PCBP2: variants seen among roughly 807,000 people sequenced by gnomAD.
PCBP2 encodes poly(rC) binding protein 2.
Under a neutral mutation model 50.1 loss-of-function variants are expected in PCBP2, and 4 were observed. The ratio of observed to expected loss-of-function variants is 0.08; its 90% CI spans 0.04 to 0.18. The LOEUF is 0.18. Among genes scored for constraint, PCBP2 ranks in the 10% least tolerant of loss-of-function variants. The probability of loss-of-function intolerance (pLI) is 1.00; values close to 1 mark genes in which losing one functional copy is unlikely to be tolerated. For missense variants in PCBP2, 161 were observed against 474.3 expected, an observed-to-expected ratio of 0.34 and a Z score of 6.14; for synonymous variants, 179 against 168.0, an observed-to-expected ratio of 1.07 and a Z score of -0.51.
At position 53,455,385 on chromosome 12, in the gene PCBP2, C is replaced by T; in HGVS notation, c.93+15C>T. The T allele has an allele frequency of 6.2e-7, 1 of 1,614,058 alleles. No homozygotes were observed. The highest frequency in any genetic ancestry group is 8.5e-7 in the Non-Finnish European group (1 of 1,179,918). On this transcript the variant is annotated intron_variant, in intron 3 of 14. Coordinates refer to ENST00000546463, the MANE Select transcript of PCBP2 (RefSeq NM_031989.5). ...TCATCGGAAAGGTAAGACAATTTCA[C>T]TTCAACTTCAATTACCATTTAGTAA...
rs1455577918 is a variant in PCBP2 at position 53,460,742 on chromosome 12, GGCAACTATTTAGAAGGACCTTTT to G, written c.376-270_376-248del. 2.3e-5 allele frequency: 7 copies of G among 307,684 alleles called. No homozygotes were observed. In the East Asian group the frequency reaches 5.4e-4, roughly 24 times the overall value. The allele number at this position is 307,684 out of a possible 1,614,324, so 19.1% of individuals were successfully genotyped here. A position where few individuals can be genotyped will look rare whatever the true frequency, so the allele number is the denominator to read the frequency against. On this transcript the variant is annotated intron_variant, in intron 6 of 14. Transcript: ENST00000546463. ...CCCAGAGAACTATCATTAGTTGAAA[GGCAACTATTTAGAAGGACCTTTT>G]GCTTGAGAGTAGGTTAAATTTAGGC...
At chr12:53,466,074 G>C in intron 10 of PCBP2, 101 bp downstream of exon 10, 1 of 938,236 alleles carries the variant, frequency 1.1e-6, no homozygotes, top group Non-Finnish European at 1.8e-6. Flanking sequence ...TGGGTCTTCA[G>C]CATTTGCAGT....
chr12:53,462,370 T>G, intron 7 of PCBP2, 123 bp from the exon 8 acceptor site: 2 of 661,772 alleles, frequency 3.0e-6, no homozygotes, highest in Non-Finnish European at 5.1e-6. Flanking sequence ...AGAGACAATT[T>G]GGTAGGTAAG....
In PCBP2 at chr12:53,479,676, T is replaced by TTTTTTTTTTTGTTTTTG. The variant is rs1263799848; in HGVS notation, c.*241_*242insTTTGTTTTTGTTTTTTT. Reference sequence around the variant, plus strand: ...GTTTTATAAGCTTCTCCCTGGTTTTTTTTTTTTGGCTCATGAATTTTTCTG... The same window carrying TTTTTTTTTTTGTTTTTG: ...GTTTTATAAGCTTCTCCCTGGTTTTTTTTTTTTTTTGTTTTTGTTTTTTTGGCTCATGAATTTTTCTG... On this transcript the variant is annotated 3_prime_UTR_variant, in exon 15 of 15. Coordinates refer to ENST00000546463, the MANE Select transcript of PCBP2 (RefSeq NM_031989.5). 7.5e-5 allele frequency: 29 copies of TTTTTTTTTTTGTTTTTG among 387,604 alleles called. No individual in the cohort carries two copies. Among genetic ancestry groups the TTTTTTTTTTTGTTTTTG allele is most frequent in the Admixed American group, 2.6e-4 (6 of 23,340 alleles). 24.0% of individuals were successfully genotyped at this position (387,604 alleles called of 1,614,324 possible). A position where few individuals can be genotyped will look rare whatever the true frequency, so the allele number is the denominator to read the frequency against.
intron 14 of PCBP2, among the ~76,000 whole-genome samples, chr12:53,473,776 T>C (rs2137113641): frequency 6.6e-6 from 1 of 151,052 alleles, no homozygotes; most frequent in East Asian, 1.9e-4. Flanking sequence ...TTTTTTTTTT[T>C]CCTTTCTCAT....
In PCBP2 at chr12:53,467,852, TAAAA is replaced by T; in HGVS notation, c.826+19_826+22del. 1 of 1,372,560 alleles carries T rather than the reference TAAAA, an allele frequency of 7.3e-7. No homozygotes were observed. Among genetic ancestry groups the T allele is most frequent in the Non-Finnish European group, 1.0e-6 (1 of 991,552 alleles). The allele number at this position is 1,372,560 out of a possible 1,614,324, so 85.0% of individuals were successfully genotyped here. A position where few individuals can be genotyped will look rare whatever the true frequency, so the allele number is the denominator to read the frequency against. On this transcript the variant is annotated intron_variant, in intron 12 of 14. Coordinates refer to ENST00000546463, the MANE Select transcript of PCBP2 (RefSeq NM_031989.5). ...GGTGAAAGGCTATTGGGGTAATGATTAAAAAAAAAAAAATCTGTAGTATTCTACT... is the reference window on the plus strand; with the variant it reads ...GGTGAAAGGCTATTGGGGTAATGATTAAAAAAAAATCTGTAGTATTCTACT...
At chr12:53,455,067 A>G (rs1365568894) in intron 2 of PCBP2, among the ~76,000 whole-genome samples, 198 bp downstream of exon 2, 2 of 152,210 alleles carry the variant, frequency 1.3e-5, no homozygotes, top group Non-Finnish European at 2.9e-5. Context: ...GGAAAGGCAT[A>G]ATTAGAGGCT....
At chr12:53,453,901 C>T (rs1384692029) in intron 1 of PCBP2, among the ~76,000 whole-genome samples, 1 of 152,100 alleles carries the variant, frequency 6.6e-6, no homozygotes, top group Non-Finnish European at 1.5e-5. Context: ...TGCTGCTGTT[C>T]TTAAAAACAA....
intron 14 of PCBP2, among the ~76,000 whole-genome samples, chr12:53,476,490 A>G (rs1480771105): frequency 6.6e-6 from 1 of 152,176 alleles, no homozygotes; most frequent in Admixed American, 6.5e-5. Context: ...AACAGTAGAA[A>G]TGTTCTTAGT....
chr12:53,467,532 G>C, intron 11 of PCBP2: 1 of 617,684 alleles, frequency 1.6e-6, no homozygotes, highest in South Asian at 2.0e-5. Flanking sequence ...GGTGAGGTTT[G>C]GGGATGCTTG....
chr12:53,480,972 T>C lies in PCBP2; in HGVS notation c.*1530T>C, dbSNP rs1943011149. 1 of 180,954 alleles carries C rather than the reference T, an allele frequency of 5.5e-6. No homozygotes were observed. The highest frequency in any genetic ancestry group is 1.1e-5 in the Non-Finnish European group (1 of 89,366). 11.2% of individuals were successfully genotyped at this position (180,954 alleles called of 1,614,324 possible). A position where few individuals can be genotyped will look rare whatever the true frequency, so the allele number is the denominator to read the frequency against. On this transcript the variant is annotated 3_prime_UTR_variant, in exon 15 of 15. Transcript: ENST00000546463. Reference sequence around the variant, plus strand: ...GAAGGGGCTTGCCCTTAGCCACAGCTCTACGGCTGTGCCTCATTCATTTCC... The same window carrying C: ...GAAGGGGCTTGCCCTTAGCCACAGCCCTACGGCTGTGCCTCATTCATTTCC...
Position 53,470,150 on chromosome 12 carries a change from CTGAGG to C in PCBP2, c.882+1319_882+1323del. On this transcript the variant is annotated intron_variant, in intron 13 of 14. Coordinates refer to ENST00000546463, the MANE Select transcript of PCBP2 (RefSeq NM_031989.5). Reference sequence around the variant, plus strand: ...ATATAATCCCAGCACTTGTGGGAGGCTGAGGCAAGTGGGTCACGAGGTCAGGAGAC... The same window carrying C: ...ATATAATCCCAGCACTTGTGGGAGGCCAAGTGGGTCACGAGGTCAGGAGAC... 1.3e-4 allele frequency among the ~76,000 whole-genome samples: 19 copies of C among 151,996 alleles called. No homozygotes were observed. In the South Asian group the frequency reaches 4.0e-3, roughly 32 times the overall value.
chr12:53,471,703 G>T lies in PCBP2; in HGVS notation c.948G>T (p.Ala316=). 19 of 1,614,008 alleles carry T rather than the reference G, an allele frequency of 1.2e-5. No individual in the cohort carries two copies. The highest frequency in any genetic ancestry group is 1.5e-5 in the Non-Finnish European group (18 of 1,180,000). ...KINEIRQMSG[A]QIKIANPVEG... ...ATGAGATCCGTCAGATGTCTGGGGCGCAGATCAAAATTGCGAACCCAGTGG... is the reference window on the plus strand; with the variant it reads ...ATGAGATCCGTCAGATGTCTGGGGCTCAGATCAAAATTGCGAACCCAGTGG... Residue 316 remains alanine (A), a synonymous_variant, in exon 14 of 15, where the codon GCG becomes GCT. Coordinates refer to ENST00000546463, the MANE Select transcript of PCBP2 (RefSeq NM_031989.5).
At position 53,452,871 on chromosome 12, in the gene PCBP2, T is replaced by C. The variant is rs966745132; in HGVS notation, c.-76+495T>C. 2.6e-5 allele frequency: 4 copies of C among 152,218 alleles called. No homozygotes were observed. In the East Asian group the frequency reaches 7.7e-4, roughly 29 times the overall value. 9.4% of individuals were successfully genotyped at this position (152,218 alleles called of 1,614,324 possible). A position where few individuals can be genotyped will look rare whatever the true frequency, so the allele number is the denominator to read the frequency against. On this transcript the variant is annotated intron_variant, in intron 1 of 14. Coordinates refer to ENST00000546463, the MANE Select transcript of PCBP2 (RefSeq NM_031989.5). ...AGTCGAGGGAAGGGGGGGCTTTTTT[T>C]CTTAAGTGGAAAATGCTTGGATAAC...
chr12:53,465,001 A>G, intron 9 of PCBP2, 149 bp downstream of exon 9: 1 of 984,392 alleles, frequency 1.0e-6, no homozygotes, highest in Non-Finnish European at 1.3e-6. Flanking sequence ...CCCCAACCTC[A>G]TTTCACCCAG....
At chr12:53,472,011 G>GA (rs1031431797) in intron 14 of PCBP2, among the ~76,000 whole-genome samples, 2 of 148,412 alleles carry the variant, frequency 1.3e-5, no homozygotes, top group Non-Finnish European at 3.0e-5. Context: ...TGGTGGGGGG[G>GA]GGAGCACAGA....
intron 14 of PCBP2, among the ~76,000 whole-genome samples, chr12:53,476,532 TTCAACGAGAGTAC>T (rs1286492094): frequency 2.6e-5 from 4 of 152,228 alleles, no homozygotes; most frequent in African/African-American, 9.6e-5. Context: ...TAGCCTTCCA[TTCAACGAGAGTAC>T]ACGTTGCCAC....
chr12:53,455,773 T>A (rs1940964527), intron 4 of PCBP2, 112 bp from the exon 5 acceptor site: 1 of 774,566 alleles, frequency 1.3e-6, no homozygotes. Flanking sequence ...TGATGCTGAC[T>A]TTGCTTTGCA....
chr12:53,478,659 C>T (rs144913305), intron 14 of PCBP2, among the ~76,000 whole-genome samples: 72 of 151,866 alleles, frequency 4.7e-4, no homozygotes, highest in African/African-American at 1.7e-3. Flanking sequence ...GAAAAAGTAG[C>T]TGGGAGTGGT....
Sources: allele counts gnomAD v4.1 joint callset (sites outside exome capture counted in the v4.1 genomes callset), GRCh38; gene constraint gnomAD v4.1.1; transcripts MANE v1.5; gene names NCBI Gene and HGNC (gene_info 2026-07-23, HGNC 2026-07-21).